Variants in KICS2 observed in about 807,000 individuals in gnomAD.
KICS2 encodes KICSTOR subunit 2.
A neutral mutation model predicts 31.4 loss-of-function variants in KICS2; 13 were observed. The observed-to-expected ratio is 0.41, with a 90% confidence interval of 0.27 to 0.66. KICS2 has a LOEUF of 0.66. Among genes scored for constraint, KICS2 ranks in the 30% least tolerant of loss-of-function variants. The probability of loss-of-function intolerance (pLI) is 0.28; values close to 1 mark genes in which losing one functional copy is unlikely to be tolerated. For synonymous variants in KICS2, 209 were observed against 214.8 expected (o/e 0.97, Z 0.24); for missense variants, 455 against 545.4 (o/e 0.83, Z 1.65).
At chr12:64,194,830 T>C in intron 2 of KICS2, 172 bp from the exon 3 acceptor site, 1 of 612,950 alleles carries the variant, frequency 1.6e-6, no homozygotes, top group Non-Finnish European at 2.0e-6. Flanking sequence ...TGATATAATT[T>C]CACCATTTCA....
At chr12:64,209,534 G>A (rs577100672) in intron 2 of KICS2, among the ~76,000 whole-genome samples, 4 of 152,200 alleles carry the variant, frequency 2.6e-5, no homozygotes, top group South Asian at 2.1e-4. Context: ...GCAGTGAGCC[G>A]AGATTGCGCC....
At chr12:64,218,049 T>C (rs578002594) in intron 1 of KICS2, among the ~76,000 whole-genome samples, 1 of 152,322 alleles carries the variant, frequency 6.6e-6, no homozygotes, top group African/African-American at 2.4e-5. Context: ...TCCAAACAGA[T>C]TGAGTAGCTG....
At chr12:64,221,892 G>A in intron 1 of KICS2, 111 bp downstream of exon 1, 3 of 1,206,018 alleles carry the variant, frequency 2.5e-6, no homozygotes, top group Admixed American at 2.6e-5. Flanking sequence ...ATGCCGAGTC[G>A]AGCCTGCGAC....
At position 64,193,307 on chromosome 12, in the gene KICS2, C is replaced by A; in HGVS notation, c.*535G>T. 1 of 985,810 alleles carries A rather than the reference C, an allele frequency of 1.0e-6. No homozygotes were observed. The highest frequency in any genetic ancestry group is 4.7e-5 in the South Asian group (1 of 21,296). The allele number at this position is 985,810 out of a possible 1,614,324, so 61.1% of individuals were successfully genotyped here. ...TTCAATAACTGATAGAAATTTCTTA[C>A]CAAGACCCTAATTTTGGCATCAAAA... is the stretch of plus-strand genomic sequence containing the variant. On this transcript the variant is annotated 3_prime_UTR_variant, in exon 3 of 3. Coordinates refer to ENST00000398055, the MANE Select transcript of KICS2 (RefSeq NM_152440.5).
rs925903270 is a variant in KICS2 at position 64,192,909 on chromosome 12, G to C, written c.*933C>G. On this transcript the variant is annotated 3_prime_UTR_variant, in exon 3 of 3. Coordinates refer to ENST00000398055, the MANE Select transcript of KICS2 (RefSeq NM_152440.5). ...GCACAGTTGATTTTTAGCAAGTACAGCGTATGAAGACCTTCATTTTGATTT... is the reference window on the plus strand; with the variant it reads ...GCACAGTTGATTTTTAGCAAGTACACCGTATGAAGACCTTCATTTTGATTT... 2 of 985,336 alleles carry C rather than the reference G, an allele frequency of 2.0e-6. No homozygotes were observed. The highest frequency in any genetic ancestry group is 3.5e-5 in the African/African-American group (2 of 57,252). 61.0% of individuals were successfully genotyped at this position (985,336 alleles called of 1,614,324 possible).
At chr12:64,196,613 G>A (rs1213452204) in intron 2 of KICS2, among the ~76,000 whole-genome samples, 6 of 151,496 alleles carry the variant, frequency 4.0e-5, no homozygotes, top group Middle Eastern at 3.4e-3. Flanking sequence ...TGACTTTGAC[G>A]AGCTGAGAGA....
intron 1 of KICS2, chr12:64,221,623 G>C (rs2037684212): frequency 3.5e-6 from 1 of 288,238 alleles, no homozygotes. Context: ...ACAGTGTTCA[G>C]TAATAGAACT....
chr12:64,218,227 T>C (rs1160580533), intron 1 of KICS2, among the ~76,000 whole-genome samples: 1 of 152,196 alleles, frequency 6.6e-6, no homozygotes, highest in Non-Finnish European at 1.5e-5. Context: ...ACAACATAAA[T>C]AGACCTCTGT....
chr12:64,201,205 C>T lies in KICS2; in HGVS notation c.522-6547G>A, dbSNP rs1156949287. The stretch of plus-strand genomic sequence containing the variant: ...CAATAGCAAAGACTTGGAACCAACC[C>T]GAATGTCCAACAATGATAGACTGGA... On this transcript the variant is annotated intron_variant, in intron 2 of 2. Coordinates refer to ENST00000398055, the MANE Select transcript of KICS2 (RefSeq NM_152440.5). Among the ~76,000 whole-genome samples, 232 of 147,320 alleles carry T rather than the reference C, an allele frequency of 1.6e-3. 3 individuals are homozygous for T. The highest frequency in any genetic ancestry group is 5.5e-3 in the African/African-American group (217 of 39,362).
chr12:64,214,432 A>G (rs955445947), intron 2 of KICS2, among the ~76,000 whole-genome samples: 1 of 152,222 alleles, frequency 6.6e-6, no homozygotes, highest in Non-Finnish European at 1.5e-5. Context: ...CAAGACTTAA[A>G]GATGAGAAGA....
intron 1 of KICS2, among the ~76,000 whole-genome samples, chr12:64,217,899 G>T (rs1158918298): frequency 1.3e-5 from 2 of 151,798 alleles, no homozygotes; most frequent in African/African-American, 4.8e-5. Flanking sequence ...CCAAAGGAAA[G>T]AAAAGAAAAG....
chr12:64,217,308 T>C (rs1331284264), intron 1 of KICS2, among the ~76,000 whole-genome samples: 2 of 152,188 alleles, frequency 1.3e-5, no homozygotes, highest in African/African-American at 4.8e-5. Context: ...TACTTATTTC[T>C]GACACCCCAG....
In KICS2 at chr12:64,215,750, C is replaced by G; in HGVS notation, c.449G>C (p.Ser150Thr). Residue 150 changes from serine (S) to threonine (T), a missense_variant, in exon 2 of 3, where the codon AGC becomes ACC. Transcript: ENST00000398055. ...TTCAGCATTGATGAACTTCTGTGTG[C>G]TGAGGGTGTACATCTTCTCATAGAA... ...ADFYEKMYTLSTQKFINAEEL... is the reference protein window; with the variant it reads ...ADFYEKMYTLTTQKFINAEEL... 1 of 1,614,080 alleles carries G rather than the reference C, an allele frequency of 6.2e-7. No homozygotes were observed. The highest frequency in any genetic ancestry group is 8.5e-7 in the Non-Finnish European group (1 of 1,180,030).
At chr12:64,210,194 A>C (rs1169809431) in intron 2 of KICS2, among the ~76,000 whole-genome samples, 1 of 152,250 alleles carries the variant, frequency 6.6e-6, no homozygotes, top group Non-Finnish European at 1.5e-5. Flanking sequence ...CCTCTAATTT[A>C]GATCATTTTC....
chr12:64,193,185 A>G lies in KICS2; in HGVS notation c.*657T>C. The G allele has an allele frequency of 2.0e-6, 2 of 985,566 alleles. No homozygotes were observed. The highest frequency in any genetic ancestry group is 2.4e-6 in the Non-Finnish European group (2 of 830,046). The allele number at this position is 985,566 out of a possible 1,614,324, so 61.1% of individuals were successfully genotyped here. A position where few individuals can be genotyped will look rare whatever the true frequency, so the allele number is the denominator to read the frequency against. ...AAAACAAATGCAGTTAGGTGTGTAC[A>G]TTACCCCAAAAGAACCCATGGCTAT... On this transcript the variant is annotated 3_prime_UTR_variant, in exon 3 of 3. Transcript: ENST00000398055.
At chr12:64,195,921 T>G (rs1452736020) in intron 2 of KICS2, among the ~76,000 whole-genome samples, 1 of 152,132 alleles carries the variant, frequency 6.6e-6, no homozygotes, top group Non-Finnish European at 1.5e-5. Flanking sequence ...ACCACGAGAT[T>G]ATATCCCACA....
intron 2 of KICS2, among the ~76,000 whole-genome samples, chr12:64,197,004 G>A: frequency 2.4e-5 from 3 of 125,816 alleles, no homozygotes; most frequent in Admixed American, 9.0e-5. Context: ...GGGGAGAATG[G>A]AACCAAGTTG....
intron 2 of KICS2, among the ~76,000 whole-genome samples, chr12:64,209,304 G>T (rs529553041): frequency 7.2e-5 from 11 of 151,936 alleles, no homozygotes; most frequent in Non-Finnish European, 1.5e-4. Context: ...TTATAAACTG[G>T]CCAGGCACAG....
intron 2 of KICS2, among the ~76,000 whole-genome samples, chr12:64,210,372 C>T (rs2037572247): frequency 6.6e-6 from 1 of 152,202 alleles, no homozygotes; most frequent in Non-Finnish European, 1.5e-5. Context: ...CAACTAAGAA[C>T]TGCCCTAAGA....
Sources: allele counts gnomAD v4.1 joint callset (sites outside exome capture counted in the v4.1 genomes callset), GRCh38; gene constraint gnomAD v4.1.1; transcripts MANE v1.5; gene names NCBI Gene and HGNC (gene_info 2026-07-23, HGNC 2026-07-21).